Variants in SS18L1 observed in about 807,000 individuals in gnomAD.
SS18L1 encodes the protein calcium-responsive transactivator.
In SS18L1, 32 loss-of-function variants were observed where a neutral mutation model predicts 70.3. That is an observed-to-expected ratio of 0.46 (90% confidence interval 0.34 to 0.61). The LOEUF is 0.61. SS18L1 is among the 20% of genes least tolerant of loss of function. SS18L1 has a pLI of 0.01. For synonymous variants in SS18L1, 237 were observed against 229.7 expected (o/e 1.03, Z -0.29); for missense variants, 430 against 542.1 (o/e 0.79, Z 2.05).
At chr20:62,175,951 C>T (rs952822991) in intron 10 of SS18L1, among the ~76,000 whole-genome samples, 2 of 152,222 alleles carry the variant, frequency 1.3e-5, no homozygotes, top group African/African-American at 4.8e-5. Flanking sequence ...ACGCAGGGGC[C>T]GCCTCTCCCC....
In SS18L1 at chr20:62,170,378, C is replaced by T. The variant is rs73613551; in HGVS notation, c.917-2304C>T. Among the ~76,000 whole-genome samples, 1,059 of 152,272 alleles carry T rather than the reference C, an allele frequency of 7.0e-3. 27 individuals are homozygous for T. The highest frequency in any genetic ancestry group is 0.035 in the East Asian group (181 of 5,172). ...AAAATTAGCTGGGCGTGGTGGCGGG[C>T]GCCTGTTGTCCCAGCTACTCAGGAG... On this transcript the variant is annotated intron_variant, in intron 8 of 10. Coordinates refer to ENST00000331758, the MANE Select transcript of SS18L1 (RefSeq NM_198935.3).
chr20:62,145,867 A>C (rs976584426), intron 1 of SS18L1, among the ~76,000 whole-genome samples: 2 of 152,234 alleles, frequency 1.3e-5, no homozygotes, highest in South Asian at 4.1e-4. Flanking sequence ...TATGCCTCAG[A>C]CGTGTGCTGT....
rs1351662065 is a variant in SS18L1 at position 62,159,253 on chromosome 20, C to T, written c.146+505C>T. 2.6e-5 allele frequency among the ~76,000 whole-genome samples: 4 copies of T among 152,154 alleles called. No homozygotes were observed. The highest frequency in any genetic ancestry group is 2.6e-4 in the Admixed American group (4 of 15,280). ...CTCCTGTGACCCTGTGAACCTAGGG[C>T]CTGATGCGTAGGAGGGGTGCGTGGC... On this transcript the variant is annotated intron_variant, in intron 2 of 10. Transcript: ENST00000331758. The surrounding 1 kb of genome is among the most constrained non-coding windows in gnomAD (Gnocchi z 4.4).
rs546554879 is a variant in SS18L1, at chr20:62,158,817, C to A, written c.146+69C>A. 1.7e-5 allele frequency: 28 copies of A among 1,611,320 alleles called. No individual in the cohort carries two copies. Among genetic ancestry groups the A allele is most frequent in the South Asian group, 1.6e-4 (15 of 90,992 alleles). On this transcript the variant is annotated intron_variant, in intron 2 of 10. Transcript: ENST00000331758. The surrounding 1 kb of genome is among the most constrained non-coding windows in gnomAD (Gnocchi z 4.5). ...AGAGTCTAAGCACAGAGGCCAGATA[C>A]GTCCCAAGAGTCCCCCAGCACAGAG...
At chr20:62,167,387 T>G (rs973545931) in intron 8 of SS18L1, among the ~76,000 whole-genome samples, 61 of 149,720 alleles carry the variant, frequency 4.1e-4, no homozygotes, top group African/African-American at 1.5e-3. Flanking sequence ...GGCAAAACCC[T>G]TTCTCTCCCG....
Position 62,159,401 on chromosome 20 carries a change from G to A in SS18L1, c.147-476G>A, listed in dbSNP as rs559118100. Among the ~76,000 whole-genome samples the A allele has an allele frequency of 1.3e-5, 2 of 152,280 alleles. No individual in the cohort carries two copies. Among genetic ancestry groups the A allele is most frequent in the South Asian group, 4.2e-4 (2 of 4,818 alleles). ...GGGTGAAGGGACTGGGTCCCCACTG[G>A]TGCGAGGTATACGAGGGGCCTTCCC... On this transcript the variant is annotated intron_variant, in intron 2 of 10. Transcript: ENST00000331758. This position sits in a 1 kb window ranked among gnomAD's most constrained non-coding sequence, Gnocchi z 4.4.
chr20:62,172,915 T>C, intron 9 of SS18L1, 114 bp downstream of exon 9: 7 of 1,547,060 alleles, frequency 4.5e-6, no homozygotes, highest in Non-Finnish European at 6.1e-6. Flanking sequence ...GCAGCAGGGC[T>C]ACGGTAAGAG....
intron 7 of SS18L1, 76 bp downstream of exon 7, chr20:62,164,322 G>A (rs913353836): frequency 7.2e-7 from 1 of 1,394,480 alleles, no homozygotes; most frequent in Non-Finnish European, 9.7e-7. Flanking sequence ...AGGAGGGCAA[G>A]GAGGGTGTGG....
chr20:62,167,507 T>G (rs535642870), intron 8 of SS18L1, among the ~76,000 whole-genome samples: 5 of 150,900 alleles, frequency 3.3e-5, no homozygotes, highest in East Asian at 4.0e-4. Context: ...TTGCAGTGAG[T>G]TGAGATTGCA....
chr20:62,162,732 C>G lies in SS18L1; in HGVS notation c.377-20C>G. ...CCTGGCTCCCCAGTGCCTGACACCA[C>G]TCCCTGCTCCCCATGCCAGGGCCGA... is the stretch of plus-strand genomic sequence containing the variant. On this transcript the variant is annotated intron_variant, in intron 4 of 10. Coordinates refer to ENST00000331758, the MANE Select transcript of SS18L1 (RefSeq NM_198935.3). The G allele has an allele frequency of 6.3e-7, 1 of 1,594,822 alleles. No individual in the cohort carries two copies. Among genetic ancestry groups the G allele is most frequent in the Non-Finnish European group, 8.6e-7 (1 of 1,167,688 alleles).
Position 62,161,635 on chromosome 20 carries a change from C to A in SS18L1, c.376+55C>A. The A allele has an allele frequency of 6.4e-7, 1 of 1,566,738 alleles. No individual in the cohort carries two copies. The highest frequency in any genetic ancestry group is 2.3e-5 in the East Asian group (1 of 43,814). ...TGGCTACGAGGCCACCAAGGCAGCC[C>A]TTGGGCAGCCGGCTGCCATGGTGGG... On this transcript the variant is annotated intron_variant, in intron 4 of 10. Coordinates refer to ENST00000331758, the MANE Select transcript of SS18L1 (RefSeq NM_198935.3). The surrounding 1 kb of genome is among the most constrained non-coding windows in gnomAD (Gnocchi z 4.4).
Position 62,182,507 on chromosome 20 carries a change from G to T in SS18L1, c.*3299G>T, listed in dbSNP as rs943538773. 3.2e-5 allele frequency: 6 copies of T among 184,726 alleles called. No individual in the cohort carries two copies. Among genetic ancestry groups the T allele is most frequent in the African/African-American group, 1.4e-4 (6 of 42,504 alleles). 11.4% of individuals were successfully genotyped at this position (184,726 alleles called of 1,614,324 possible). On this transcript the variant is annotated 3_prime_UTR_variant, in exon 11 of 11. Coordinates refer to ENST00000331758, the MANE Select transcript of SS18L1 (RefSeq NM_198935.3). Reference sequence around the variant, plus strand: ...ATCATCCTATAAAGTGAGTTTTCATGAAGTTAACGGGATTTTGGTGTGATG... The same window carrying T: ...ATCATCCTATAAAGTGAGTTTTCATTAAGTTAACGGGATTTTGGTGTGATG...
chr20:62,168,155 G>C (rs6121523), intron 8 of SS18L1, among the ~76,000 whole-genome samples: 26,321 of 151,874 alleles, frequency 0.17, 3,291 homozygotes, highest in African/African-American at 0.35. Context: ...TTGTGGGTTA[G>C]GTACTCTTGC....
intron 6 of SS18L1, among the ~76,000 whole-genome samples, chr20:62,163,901 G>A (rs939869980): frequency 3.3e-5 from 5 of 152,088 alleles, no homozygotes; most frequent in East Asian, 1.9e-4. Context: ...CCTGTAGTCC[G>A]AGCACTTTGG....
chr20:62,165,822 C>T (rs1046298114), intron 8 of SS18L1, among the ~76,000 whole-genome samples: 3 of 152,046 alleles, frequency 2.0e-5, no homozygotes, highest in South Asian at 2.1e-4. Flanking sequence ...AGGATTCAGC[C>T]GGCCATGCTG....
intron 1 of SS18L1, among the ~76,000 whole-genome samples, chr20:62,144,387 G>A (rs1440846241): frequency 1.3e-5 from 2 of 152,204 alleles, no homozygotes; most frequent in Non-Finnish European, 2.9e-5. Context: ...GTCGGCCTCC[G>A]GGCGCACTTG....
chr20:62,146,187 C>G (rs963504468), intron 1 of SS18L1, among the ~76,000 whole-genome samples: 1 of 152,236 alleles, frequency 6.6e-6, no homozygotes, highest in African/African-American at 2.4e-5. Flanking sequence ...ACTCAACCTT[C>G]AAAGCCTCAC....
At chr20:62,160,199 A>G (rs931104478) in intron 3 of SS18L1, among the ~76,000 whole-genome samples, 4 of 136,242 alleles carry the variant, frequency 2.9e-5, no homozygotes, top group Non-Finnish European at 6.1e-5. Flanking sequence ...CTCGTTATGT[A>G]TTGAAGGGAG....
chr20:62,179,605 T>C lies in SS18L1; in HGVS notation c.*397T>C, dbSNP rs2057677769. On this transcript the variant is annotated 3_prime_UTR_variant, in exon 11 of 11. Coordinates refer to ENST00000331758, the MANE Select transcript of SS18L1 (RefSeq NM_198935.3). ...CGTCAACAGACGTTAGGTCTCATTT[T>C]CCTCCTCATGCAGTGTTGTAGTGTG... is the stretch of plus-strand genomic sequence containing the variant. 1 of 291,554 alleles carries C rather than the reference T, an allele frequency of 3.4e-6. No individual in the cohort carries two copies. Among genetic ancestry groups the C allele is most frequent in the Non-Finnish European group, 6.5e-6 (1 of 152,878 alleles). The allele number at this position is 291,554 out of a possible 1,614,324, so 18.1% of individuals were successfully genotyped here.
Sources: gnomAD v4.1 joint callset for allele counts (sites outside exome capture counted in the v4.1 genomes callset) on GRCh38, gnomAD v4.1.1 for gene constraint, Gnocchi (gnomAD v3.1) non-coding constraint, MANE v1.5 for transcripts, NCBI Gene and HGNC (gene_info 2026-07-23, HGNC 2026-07-21) for gene names.